CSMD1: variants seen among roughly 807,000 people sequenced by gnomAD.
The protein encoded by CSMD1 is CUB and sushi domain-containing protein 1.
A neutral mutation model predicts 417.5 loss-of-function variants in CSMD1; 213 were observed. The ratio of observed to expected loss-of-function variants is 0.51; its 90% CI spans 0.46 to 0.57. CSMD1 has a LOEUF of 0.57. Ranked by LOEUF, CSMD1 falls within the 20% of genes least tolerant of loss-of-function variation. The pLI is 0.00. For synonymous variants in CSMD1, 2,862 were observed against 1,736.8 expected (o/e 1.65, Z -16.11); for missense variants, 6,923 against 4,529.7 (o/e 1.53, Z -15.17).
intron 5 of CSMD1, among the ~76,000 whole-genome samples, chr8:3,902,830 G>C (rs749273904): frequency 6.6e-6 from 1 of 151,630 alleles, no homozygotes; most frequent in African/African-American, 2.4e-5. Context: ...GCACTGACTG[G>C]CCCATCTTGG....
At chr8:4,689,776 G>A (rs1226600289) in intron 1 of CSMD1, among the ~76,000 whole-genome samples, 1 of 152,064 alleles carries the variant, frequency 6.6e-6, no homozygotes, top group Non-Finnish European at 1.5e-5. Flanking sequence ...AAATGATGGT[G>A]GTTTAGGCTA....
At chr8:3,235,218 G>A (rs1286963191) in intron 26 of CSMD1, among the ~76,000 whole-genome samples, 1 of 152,098 alleles carries the variant, frequency 6.6e-6, no homozygotes. Flanking sequence ...AAAAACAAAA[G>A]TTTAGGAGGT....
chr8:3,337,622 T>C (rs1395952553), intron 23 of CSMD1, among the ~76,000 whole-genome samples: 1 of 152,170 alleles, frequency 6.6e-6, no homozygotes, highest in Non-Finnish European at 1.5e-5. Context: ...AACCAGCGCC[T>C]GGACAGAGAG....
chr8:4,903,821 C>T (rs1053851592), intron 1 of CSMD1, among the ~76,000 whole-genome samples: 6 of 152,196 alleles, frequency 3.9e-5, no homozygotes, highest in Non-Finnish European at 7.3e-5. Flanking sequence ...TCTTCAAACT[C>T]AAATGGCCAA....
At chr8:4,081,761 C>G (rs909492251) in intron 3 of CSMD1, among the ~76,000 whole-genome samples, 2 of 151,896 alleles carry the variant, frequency 1.3e-5, no homozygotes, top group Admixed American at 6.6e-5. Context: ...TTTAAAGACC[C>G]CAAATATCTG....
intron 1 of CSMD1, among the ~76,000 whole-genome samples, chr8:4,934,982 A>T (rs36053043): frequency 6.6e-6 from 1 of 151,982 alleles, no homozygotes; most frequent in East Asian, 1.9e-4. Context: ...TCTATCAATC[A>T]TCTGTCTATA....
intron 12 of CSMD1, among the ~76,000 whole-genome samples, chr8:3,442,848 C>T (rs889445671): frequency 2.6e-5 from 4 of 151,628 alleles, no homozygotes; most frequent in Non-Finnish European, 4.4e-5. Flanking sequence ...TTTGTTATGT[C>T]TGTACCTGGT....
chr8:3,961,133 T>A (rs1812295659), intron 5 of CSMD1, among the ~76,000 whole-genome samples: 1 of 152,206 alleles, frequency 6.6e-6, no homozygotes, highest in South Asian at 2.1e-4. Context: ...TTGCATCTCT[T>A]CTTGCCCATA....
At chr8:4,903,036 T>TAAATA (rs869115571) in intron 1 of CSMD1, among the ~76,000 whole-genome samples, 6 of 118,192 alleles carry the variant, frequency 5.1e-5, no homozygotes, top group Non-Finnish European at 8.1e-5. Context: ...AATAAATAAA[T>TAAATA]AATAAACTAA....
intron 7 of CSMD1, among the ~76,000 whole-genome samples, chr8:3,659,563 T>A (rs1232539324): frequency 3.3e-5 from 5 of 152,202 alleles, no homozygotes; most frequent in Non-Finnish European, 7.3e-5. Flanking sequence ...CGGGGGGTTA[T>A]CATATTAGCA....
chr8:4,934,650 T>TTGAC (rs1418229561), intron 1 of CSMD1, among the ~76,000 whole-genome samples: 5 of 152,094 alleles, frequency 3.3e-5, no homozygotes, highest in Non-Finnish European at 5.9e-5. Context: ...CATGTATTTA[T>TTGAC]TGATCAATTA....
At chr8:4,966,722 A>T (rs574190011) in intron 1 of CSMD1, among the ~76,000 whole-genome samples, 2 of 152,304 alleles carry the variant, frequency 1.3e-5, no homozygotes, top group Non-Finnish European at 2.9e-5. Flanking sequence ...TTTGGCAAAA[A>T]ACTAAAAAGG....
At chr8:4,640,510 T>C (rs1003169992) in intron 1 of CSMD1, among the ~76,000 whole-genome samples, 2 of 152,210 alleles carry the variant, frequency 1.3e-5, no homozygotes, top group Non-Finnish European at 2.9e-5. Flanking sequence ...GTAGTCCTCT[T>C]TTCTCTTGGA....
intron 26 of CSMD1, among the ~76,000 whole-genome samples, chr8:3,233,598 G>C (rs1221814708): frequency 6.6e-5 from 10 of 152,168 alleles, no homozygotes; most frequent in Non-Finnish European, 1.5e-5. Flanking sequence ...GCTTGGATTA[G>C]TTTCACATTT....
intron 3 of CSMD1, among the ~76,000 whole-genome samples, chr8:4,304,867 T>G (rs951120747): frequency 1.3e-5 from 2 of 152,204 alleles, no homozygotes; most frequent in African/African-American, 4.8e-5. Flanking sequence ...CTTAATCATT[T>G]CACAAAATAT....
At chr8:4,044,980 A>T (rs9772485) in intron 3 of CSMD1, among the ~76,000 whole-genome samples, 40,490 of 152,106 alleles carry the variant, frequency 0.27, 5,447 homozygotes, top group Admixed American at 0.29. Flanking sequence ...TTCACGGAGG[A>T]GTTTCTACTT....
At chr8:4,376,509 T>C (rs560121993) in intron 3 of CSMD1, among the ~76,000 whole-genome samples, 8 of 152,240 alleles carry the variant, frequency 5.3e-5, no homozygotes, top group African/African-American at 1.9e-4. Context: ...GACCATTATT[T>C]TCCCCACAGT....
intron 4 of CSMD1, among the ~76,000 whole-genome samples, chr8:4,014,111 T>G (rs1320600585): frequency 6.6e-6 from 1 of 152,122 alleles, no homozygotes; most frequent in Non-Finnish European, 1.5e-5. Context: ...CTCAGCAAAT[T>G]AAAAAGAAAT....
Position 4,795,252 on chromosome 8 carries a change from CTTTTTTTTTTTTTTTTTTTTTTTT to C in CSMD1, c.86-157718_86-157695del, listed in dbSNP as rs571984359. The stretch of plus-strand genomic sequence containing the variant: ...ATTTCTAGGTCTGCTGGTGTCATAG[CTTTTTTTTTTTTTTTTTTTTTTTT>C]TTTTTTTTTTTTTGAGATGGAGTCC... On this transcript the variant is annotated intron_variant, in intron 1 of 69. Transcript: ENST00000635120. Among the ~76,000 whole-genome samples the C allele has an allele frequency of 2.6e-4, 12 of 46,226 alleles. 1 individual carries two copies. Among genetic ancestry groups the C allele is most frequent in the Admixed American group, 1.4e-3 (4 of 2,926 alleles). The allele number at this position is 46,226 out of a possible 152,430, so 30.3% of individuals were successfully genotyped here.
Sources: allele counts gnomAD v4.1 joint callset (sites outside exome capture counted in the v4.1 genomes callset), GRCh38; gene constraint gnomAD v4.1.1; transcripts MANE v1.5; gene names NCBI Gene and HGNC (gene_info 2026-07-23, HGNC 2026-07-21).